The following WAPL variants were observed in gnomAD, a reference collection of about 807,000 sequenced individuals.
WAPL encodes wings apart-like protein homolog.
Under a neutral mutation model 121.0 loss-of-function variants are expected in WAPL, and 5 were observed. That is an observed-to-expected ratio of 0.04 (90% CI 0.02 to 0.09). The LOEUF (loss-of-function observed/expected upper bound fraction) is 0.09, where lower values mean the gene tolerates loss of function less well. Among genes scored for constraint, WAPL ranks in the 10% least tolerant of loss-of-function variants. The probability of loss-of-function intolerance (pLI) is 1.00; values close to 1 mark genes in which losing one functional copy is unlikely to be tolerated. For missense variants in WAPL, 999 were observed against 1,410.8 expected (o/e 0.71, Z 4.68); for synonymous variants, 480 against 481.5 (o/e 1.00, Z 0.04).
In WAPL at chr10:86,521,612, A is replaced by G. The variant is rs1842682887; in HGVS notation, c.-270T>C. ...CCAGGCCTAGCTCTCGCTGGCCGCC[A>G]CTGCTGGAGCTGGTAACAGAGCCTG... On this transcript the variant is annotated 5_prime_UTR_variant, in exon 1 of 19. Coordinates refer to ENST00000298767, the MANE Select transcript of WAPL (RefSeq NM_015045.5). The G allele has an allele frequency of 4.4e-6, 2 of 454,862 alleles. No homozygotes were observed. Among genetic ancestry groups the G allele is most frequent in the African/African-American group, 4.2e-5 (2 of 47,324 alleles). The allele number at this position is 454,862 out of a possible 1,614,324, so 28.2% of individuals were successfully genotyped here. A position where few individuals can be genotyped will look rare whatever the true frequency, so the allele number is the denominator to read the frequency against.
chr10:86,509,425 G>A (rs1842413193), intron 2 of WAPL, among the ~76,000 whole-genome samples: 1 of 152,108 alleles, frequency 6.6e-6, no homozygotes, highest in South Asian at 2.1e-4. Flanking sequence ...CAGGTCCCAG[G>A]TTAAATATCA....
chr10:86,500,256 C>A lies in WAPL; in HGVS notation c.987G>T (p.Ser329=). Residue 329 remains serine (S), a synonymous_variant, in exon 3 of 19, where the codon TCG becomes TCT. Transcript: ENST00000298767. The stretch of plus-strand genomic sequence containing the variant: ...TTGCCTGATTCAGGCCATCTTTACT[C>A]GATTCACTGTTTGCTTTGGCTAAGG... The part of the protein sequence containing the change: ...SQALAKANSE[S]SKDGLNQAKK... 1 of 1,614,180 alleles carries A rather than the reference C, an allele frequency of 6.2e-7. No individual in the cohort carries two copies. Among genetic ancestry groups the A allele is most frequent in the Non-Finnish European group, 8.5e-7 (1 of 1,180,034 alleles).
chr10:86,464,504 GA>G (rs1018972177), intron 9 of WAPL, among the ~76,000 whole-genome samples: 1 of 152,070 alleles, frequency 6.6e-6, no homozygotes, highest in Admixed American at 6.6e-5. Flanking sequence ...TTTATAGCAT[GA>G]AAAAAATCAG....
chr10:86,521,360 C>T lies in WAPL; in HGVS notation c.-23+5G>A. 1.4e-5 allele frequency: 4 copies of T among 279,522 alleles called. No homozygotes were observed. Among genetic ancestry groups the T allele is most frequent in the Non-Finnish European group, 2.8e-5 (4 of 141,378 alleles). The allele number at this position is 279,522 out of a possible 1,614,324, so 17.3% of individuals were successfully genotyped here. On this transcript the variant is annotated splice_donor_5th_base_variant and intron_variant, in intron 1 of 18. Coordinates refer to ENST00000298767, the MANE Select transcript of WAPL (RefSeq NM_015045.5). ...GCCTAGGCGGCCGCCCGACACCTCA[C>T]TTACCCTCGGAGCCTGGCGGGTGCT...
At chr10:86,477,571 G>A (rs565566826) in intron 4 of WAPL, among the ~76,000 whole-genome samples, 1 of 152,174 alleles carries the variant, frequency 6.6e-6, no homozygotes. Flanking sequence ...GGTAGGCCGA[G>A]ACAGGTGGAT....
chr10:86,483,306 G>A (rs1359537008), intron 4 of WAPL, among the ~76,000 whole-genome samples: 1 of 152,052 alleles, frequency 6.6e-6, no homozygotes, highest in Non-Finnish European at 1.5e-5. Context: ...TGTAATCCCA[G>A]GTACTCTGGA....
At chr10:86,461,904 C>T (rs992209720) in intron 9 of WAPL, among the ~76,000 whole-genome samples, 4 of 152,152 alleles carry the variant, frequency 2.6e-5, no homozygotes, top group Non-Finnish European at 5.9e-5. Context: ...TTTGTCTATT[C>T]TGCATACAAA....
intron 4 of WAPL, among the ~76,000 whole-genome samples, chr10:86,482,865 C>T (rs1457139215): frequency 2.0e-5 from 3 of 152,096 alleles, no homozygotes; most frequent in African/African-American, 7.2e-5. Context: ...GTAGAAACTT[C>T]CCATTATAAA....
intron 12 of WAPL, among the ~76,000 whole-genome samples, chr10:86,456,580 C>G (rs1418887436): frequency 6.6e-6 from 1 of 152,154 alleles, no homozygotes; most frequent in East Asian, 1.9e-4. Flanking sequence ...TTATATATCA[C>G]ACAAAATTCT....
chr10:86,502,282 A>C (rs545208903), intron 2 of WAPL, among the ~76,000 whole-genome samples: 23 of 152,224 alleles, frequency 1.5e-4, no homozygotes, highest in Non-Finnish European at 2.6e-4. Flanking sequence ...AGGCAGCTCT[A>C]CATTATGTAC....
intron 3 of WAPL, among the ~76,000 whole-genome samples, chr10:86,498,803 T>C (rs1001667115): frequency 4.6e-5 from 7 of 152,232 alleles, no homozygotes; most frequent in South Asian, 2.1e-4. Context: ...CAGTGGAGAC[T>C]GAACTCCTTG....
Position 86,482,591 on chromosome 10 carries a change from C to T in WAPL, c.1645-8618G>A, listed in dbSNP as rs144670413. Among the ~76,000 whole-genome samples the T allele has an allele frequency of 1.3e-3, 196 of 152,234 alleles. 1 individual carries two copies. Among genetic ancestry groups the T allele is most frequent in the African/African-American group, 4.2e-3 (174 of 41,538 alleles). The stretch of plus-strand genomic sequence containing the variant: ...ACAGCTGACCAGGTACAAGATGAAC[C>T]TAGAACACTGTGTTACACCAGGAAG... On this transcript the variant is annotated intron_variant, in intron 4 of 18. Coordinates refer to ENST00000298767, the MANE Select transcript of WAPL (RefSeq NM_015045.5).
At position 86,460,330 on chromosome 10, in the gene WAPL, GTCTC is replaced by G. The variant is rs371226619; in HGVS notation, c.2580+65_2580+68del. 2.0e-4 allele frequency: 259 copies of G among 1,264,478 alleles called. 1 individual carries two copies. In the African/African-American group the frequency reaches 3.5e-3, roughly 17 times the overall value. The allele number at this position is 1,264,478 out of a possible 1,614,324, so 78.3% of individuals were successfully genotyped here. A position where few individuals can be genotyped will look rare whatever the true frequency, so the allele number is the denominator to read the frequency against. ...CCAGGGGTATATAAAATATTTGGCAGTCTCTCTCTTACACACACAATCACAATTA... is the reference window on the plus strand; with the variant it reads ...CCAGGGGTATATAAAATATTTGGCAGTCTCTTACACACACAATCACAATTA... On this transcript the variant is annotated intron_variant, in intron 11 of 18. Transcript: ENST00000298767.
At chr10:86,473,303 C>T (rs1841576024) in intron 5 of WAPL, among the ~76,000 whole-genome samples, 1 of 152,158 alleles carries the variant, frequency 6.6e-6, no homozygotes. Flanking sequence ...AGACTTCTAT[C>T]CCCAAATTTC....
At chr10:86,462,476 T>C (rs1009434754) in intron 9 of WAPL, among the ~76,000 whole-genome samples, 13 of 152,140 alleles carry the variant, frequency 8.5e-5, no homozygotes, top group Non-Finnish European at 1.8e-4. Flanking sequence ...TCCCAGCACT[T>C]TGGGAGGCCG....
chr10:86,445,712 G>A (rs918804983), intron 16 of WAPL, among the ~76,000 whole-genome samples: 1 of 151,900 alleles, frequency 6.6e-6, no homozygotes, highest in Admixed American at 6.6e-5. Context: ...TTTTTGTAGG[G>A]ATGGGGTCTT....
intron 4 of WAPL, among the ~76,000 whole-genome samples, chr10:86,485,236 AC>A (rs1841903013): frequency 6.6e-6 from 1 of 152,050 alleles, no homozygotes; most frequent in Admixed American, 6.5e-5. Flanking sequence ...CTTTAAAGGC[AC>A]CTATACTAAA....
chr10:86,509,641 T>A (rs1157792804), intron 2 of WAPL, among the ~76,000 whole-genome samples: 1 of 152,178 alleles, frequency 6.6e-6, no homozygotes, highest in Non-Finnish European at 1.5e-5. Context: ...CCCGTAGACC[T>A]TCCTATGAAC....
At chr10:86,498,653 T>C (rs1196782736) in intron 3 of WAPL, among the ~76,000 whole-genome samples, 1 of 152,214 alleles carries the variant, frequency 6.6e-6, no homozygotes, top group East Asian at 1.9e-4. Flanking sequence ...CCAGAAAAAC[T>C]ATATTTGGTT....
Sources: gnomAD v4.1 joint callset for allele counts (sites outside exome capture counted in the v4.1 genomes callset) on GRCh38, gnomAD v4.1.1 for gene constraint, MANE v1.5 for transcripts, NCBI Gene and HGNC (gene_info 2026-07-23, HGNC 2026-07-21) for gene names.